The following L3MBTL3 variants were observed in gnomAD, a reference collection of about 807,000 sequenced individuals.
The protein encoded by L3MBTL3 is lethal(3)malignant brain tumor-like protein 3.
A neutral mutation model predicts 102.3 loss-of-function variants in L3MBTL3; 27 were observed. The ratio of observed to expected loss-of-function variants is 0.26; its 90% CI spans 0.19 to 0.36. The LOEUF (loss-of-function observed/expected upper bound fraction) is 0.36, where lower values mean the gene tolerates loss of function less well. L3MBTL3 is among the 10% of genes least tolerant of loss of function. The probability of loss-of-function intolerance (pLI) is 1.00; values close to 1 mark genes in which losing one functional copy is unlikely to be tolerated. For synonymous variants in L3MBTL3, 340 were observed against 320.9 expected, an observed-to-expected ratio of 1.06 and a Z score of -0.64; for missense variants, 798 against 955.3, an observed-to-expected ratio of 0.84 and a Z score of 2.17.
At chr6:130,026,151 T>G (rs1280900636) in intron 2 of L3MBTL3, among the ~76,000 whole-genome samples, 10 of 152,208 alleles carry the variant, frequency 6.6e-5, no homozygotes, top group African/African-American at 2.4e-4. Context: ...CAATTGTATA[T>G]CGAGTGCCTT....
intron 20 of L3MBTL3, among the ~76,000 whole-genome samples, chr6:130,130,766 T>A (rs548116824): frequency 3.9e-5 from 6 of 152,298 alleles, no homozygotes; most frequent in Admixed American, 1.3e-4. Flanking sequence ...ATTTGAAATG[T>A]TTCATGTGGA....
At chr6:130,054,941 C>T (rs1781365573) in intron 7 of L3MBTL3, 3 of 462,632 alleles carry the variant, frequency 6.5e-6, no homozygotes, top group East Asian at 4.4e-5. Context: ...GAGCGGGGAG[C>T]GGTGTCCATG....
intron 12 of L3MBTL3, among the ~76,000 whole-genome samples, chr6:130,068,892 C>T (rs1247916980): frequency 6.6e-6 from 1 of 152,110 alleles, no homozygotes; most frequent in Non-Finnish European, 1.5e-5. Flanking sequence ...GTCTTTTCTA[C>T]TTGACCGGTA....
chr6:130,025,353 G>A (rs2114479568), intron 2 of L3MBTL3, among the ~76,000 whole-genome samples: 1 of 152,264 alleles, frequency 6.6e-6, no homozygotes, highest in East Asian at 1.9e-4. Flanking sequence ...TCTCTTTACT[G>A]TATTAAATTA....
rs187587378 is a variant in L3MBTL3, at chr6:130,140,989, C to A, written c.*1236C>A. On this transcript the variant is annotated 3_prime_UTR_variant, in exon 23 of 23. Coordinates refer to ENST00000361794, the MANE Select transcript of L3MBTL3 (RefSeq NM_032438.4). ...TACAGATGCACTTTAAATGAAAACC[C>A]TTGATTATAAATTGATAGCTGGTAG... The A allele has an allele frequency of 1.3e-5, 2 of 152,734 alleles. No individual in the cohort carries two copies. Among genetic ancestry groups the A allele is most frequent in the East Asian group, 3.9e-4 (2 of 5,192 alleles). The allele number at this position is 152,734 out of a possible 1,614,324, so 9.5% of individuals were successfully genotyped here. A position where few individuals can be genotyped will look rare whatever the true frequency, so the allele number is the denominator to read the frequency against.
At chr6:130,120,788 A>G (rs1786106100) in intron 19 of L3MBTL3, 91 bp from the exon 20 acceptor site, 1 of 948,452 alleles carries the variant, frequency 1.1e-6, no homozygotes, top group African/African-American at 1.7e-5. Context: ...CTTTGGTTTA[A>G]AATTAGGAAA....
rs762423051 is a variant in L3MBTL3 at position 130,057,469 on chromosome 6, T to C, written c.731T>C (p.Val244Ala). ...TCCTACCTGGAAGAGGAGAAAGCGGTGGCAGTGCCGGCGAAGCTGTTCAAG... is the reference window on the plus strand; with the variant it reads ...TCCTACCTGGAAGAGGAGAAAGCGGCGGCAGTGCCGGCGAAGCTGTTCAAG... The part of the protein sequence containing the change: ...WASYLEEEKA[V>A]AVPAKLFKEH... Residue 244 changes from valine (V) to alanine (A), a missense_variant, in exon 9 of 23, where the codon GTG becomes GCG. By Grantham distance (64) the Val-to-Ala change is moderately conservative. Coordinates refer to ENST00000361794, the MANE Select transcript of L3MBTL3 (RefSeq NM_032438.4). The C allele has an allele frequency of 3.7e-6, 6 of 1,610,752 alleles. No homozygotes were observed. The Admixed American group carries it at 1.0e-4, about 27-fold the overall frequency.
At chr6:130,110,111 T>G (rs976379171) in intron 19 of L3MBTL3, among the ~76,000 whole-genome samples, 1 of 152,224 alleles carries the variant, frequency 6.6e-6, no homozygotes, top group Non-Finnish European at 1.5e-5. Flanking sequence ...CCTTGTAGTA[T>G]AGTTTGAAGT....
In L3MBTL3 at chr6:130,139,773, C is replaced by G; in HGVS notation, c.*20C>G. On this transcript the variant is annotated 3_prime_UTR_variant, in exon 23 of 23. Transcript: ENST00000361794. ...CTTTGAAGATGGTGAATTCTGAATA[C>G]CATCAGCATTCTGCTTTAAAGCTCA... 1.2e-6 allele frequency: 2 copies of G among 1,607,824 alleles called. No individual in the cohort carries two copies. Among genetic ancestry groups the G allele is most frequent in the South Asian group, 2.2e-5 (2 of 90,892 alleles).
intron 12 of L3MBTL3, 188 bp from the exon 13 acceptor site, chr6:130,070,783 CTTTTT>C (rs774204472): frequency 1.8e-5 from 2 of 110,312 alleles, no homozygotes; most frequent in Non-Finnish European, 3.0e-5. Flanking sequence ...ACAGTAGGAC[CTTTTT>C]TTTTTTTTTT....
At chr6:130,126,277 T>C (rs1786603047) in intron 20 of L3MBTL3, among the ~76,000 whole-genome samples, 1 of 151,478 alleles carries the variant, frequency 6.6e-6, no homozygotes, top group Admixed American at 6.6e-5. Context: ...AGCCACTCTC[T>C]CTCCTGGGTG....
At chr6:130,047,933 A>G (rs1441880763) in intron 3 of L3MBTL3, among the ~76,000 whole-genome samples, 1 of 152,178 alleles carries the variant, frequency 6.6e-6, no homozygotes. Context: ...TTGGTATAGT[A>G]CTCACATATT....
chr6:130,096,839 C>T (rs1342305004), intron 18 of L3MBTL3, among the ~76,000 whole-genome samples: 2 of 152,188 alleles, frequency 1.3e-5, no homozygotes, highest in African/African-American at 4.8e-5. Context: ...GAATTAGAAT[C>T]ATAATAGAGA....
chr6:130,026,103 T>C (rs534896224), intron 2 of L3MBTL3, among the ~76,000 whole-genome samples: 19 of 150,876 alleles, frequency 1.3e-4, no homozygotes, highest in African/African-American at 4.3e-4. Context: ...GTTGCTCTTT[T>C]AAAAACCCTA....
rs35147208 is a variant in L3MBTL3 at position 130,105,621 on chromosome 6, CA to C, written c.1886+1064del. ...TGGGTGACAGAGTGAGACCCTGTCT[CA>C]AAAAAAAAAAAAAAAAATTAACTTT... On this transcript the variant is annotated intron_variant, in intron 19 of 22. Coordinates refer to ENST00000361794, the MANE Select transcript of L3MBTL3 (RefSeq NM_032438.4). 1.1e-4 allele frequency among the ~76,000 whole-genome samples: 14 copies of C among 122,502 alleles called. 1 individual carries two copies. In the South Asian group the frequency reaches 2.8e-3, roughly 25 times the overall value. 80.4% of individuals were successfully genotyped at this position (122,502 alleles called of 152,430 possible). A position where few individuals can be genotyped will look rare whatever the true frequency, so the allele number is the denominator to read the frequency against.
At chr6:130,067,396 A>G (rs917825747) in intron 11 of L3MBTL3, among the ~76,000 whole-genome samples, 6 of 152,104 alleles carry the variant, frequency 3.9e-5, no homozygotes, top group South Asian at 2.1e-4. Flanking sequence ...TTACAGGTGT[A>G]AGCCACCGTG....
chr6:130,096,945 T>C (rs1258374836), intron 18 of L3MBTL3, among the ~76,000 whole-genome samples: 3 of 152,328 alleles, frequency 2.0e-5, no homozygotes, highest in South Asian at 4.2e-4. Flanking sequence ...TTATCACATA[T>C]AGAGAGCATA....
At chr6:130,046,669 T>C (rs1165077947) in intron 3 of L3MBTL3, among the ~76,000 whole-genome samples, 1 of 152,080 alleles carries the variant, frequency 6.6e-6, no homozygotes, top group Non-Finnish European at 1.5e-5. Flanking sequence ...TTGTAAAGTT[T>C]ATAATTTTGA....
chr6:130,043,643 G>A (rs147540827), intron 3 of L3MBTL3, among the ~76,000 whole-genome samples: 1 of 152,332 alleles, frequency 6.6e-6, no homozygotes, highest in East Asian at 1.9e-4. Flanking sequence ...ACAGGCCATT[G>A]CTGGGCTTAC....
Sources: gnomAD v4.1 joint callset for allele counts (sites outside exome capture counted in the v4.1 genomes callset) on GRCh38, gnomAD v4.1.1 for gene constraint, MANE v1.5 for transcripts, NCBI Gene and HGNC (gene_info 2026-07-23, HGNC 2026-07-21) for gene names.